Variants in VGLL4 observed in about 807,000 individuals in gnomAD.
The protein encoded by VGLL4 is vestigial like family member 4, also known as transcription cofactor vestigial-like protein 4.
In VGLL4, 7 loss-of-function variants were observed where a neutral mutation model predicts 21.0. That is an observed-to-expected ratio of 0.33 (90% CI 0.19 to 0.63). The LOEUF (loss-of-function observed/expected upper bound fraction) is 0.63. Among genes scored for constraint, VGLL4 ranks in the 20% least tolerant of loss-of-function variants. VGLL4 has a pLI of 0.78. For missense variants in VGLL4, 394 were observed against 425.7 expected, an observed-to-expected ratio of 0.93 and a Z score of 0.66; for synonymous variants, 222 against 173.2, an observed-to-expected ratio of 1.28 and a Z score of -2.21.
At chr3:11,630,866 G>A (rs1165587380) in intron 1 of VGLL4, among the ~76,000 whole-genome samples, 1 of 152,146 alleles carries the variant, frequency 6.6e-6, no homozygotes, top group Admixed American at 6.5e-5. Context: ...TTCGAACACT[G>A]TACAACAAAG....
Position 11,643,487 on chromosome 3 carries a change from T to C in VGLL4, c.32A>G (p.Tyr11Cys), listed in dbSNP as rs1347775472. The C allele has an allele frequency of 1.2e-6, 2 of 1,614,014 alleles. No individual in the cohort carries two copies. Among genetic ancestry groups the C allele is most frequent in the East Asian group, 2.2e-5 (1 of 44,884 alleles). MLFMKMDLLN[Y>C]QYLDKMNNNI... The stretch of plus-strand genomic sequence containing the variant: ...GTTGTTCATCTTGTCCAAGTACTGA[T>C]AGTTCAACAGGTCCATCTTCATAAA... Residue 11 changes from tyrosine (Y) to cysteine (C), a missense_variant, in exon 1 of 5, where the codon TAT becomes TGT. Tyr to Cys is a radical substitution (Grantham distance 194). Transcript: ENST00000430365.
intron 2 of VGLL4, among the ~76,000 whole-genome samples, chr3:11,674,420 G>A (rs1056314004): frequency 6.6e-6 from 1 of 152,180 alleles, no homozygotes; most frequent in Non-Finnish European, 1.5e-5. Flanking sequence ...TGCAGTCACT[G>A]TGCTAAGCAG....
intron 2 of VGLL4, among the ~76,000 whole-genome samples, chr3:11,597,555 AAAAC>A (rs1433084115): frequency 6.6e-6 from 1 of 152,194 alleles, no homozygotes; most frequent in Non-Finnish European, 1.5e-5. Context: ...TCAAAAACAA[AAAAC>A]AAGTGTCAAA....
At chr3:11,656,561 G>A (rs2075961999) in intron 2 of VGLL4, among the ~76,000 whole-genome samples, 1 of 152,174 alleles carries the variant, frequency 6.6e-6, no homozygotes, top group East Asian at 1.9e-4. Flanking sequence ...AAACTCTAGA[G>A]CTGAGATGTC....
In VGLL4 at chr3:11,557,657, TGAAAA is replaced by T. The variant is rs1415925031; in HGVS notation, c.*894_*898del. 4 of 152,782 alleles carry T rather than the reference TGAAAA, an allele frequency of 2.6e-5. No individual in the cohort carries two copies. The highest frequency in any genetic ancestry group is 9.6e-5 in the African/African-American group (4 of 41,454). The allele number at this position is 152,782 out of a possible 1,614,324, so 9.5% of individuals were successfully genotyped here. On this transcript the variant is annotated 3_prime_UTR_variant, in exon 5 of 5. Coordinates refer to ENST00000430365, the MANE Select transcript of VGLL4 (RefSeq NM_001128219.3). Reference sequence around the variant, plus strand: ...GTAACTGACAAAAATAAACTAATTCTGAAAAGAAGATAGTAAGTATTAAGGTTTTT... The same window carrying T: ...GTAACTGACAAAAATAAACTAATTCTGAAGATAGTAAGTATTAAGGTTTTT...
chr3:11,564,572 C>T (rs1467462112), intron 3 of VGLL4, among the ~76,000 whole-genome samples: 1 of 151,036 alleles, frequency 6.6e-6, no homozygotes, highest in African/African-American at 2.4e-5. Context: ...GAGGCAAGGC[C>T]CGGGCAGGTC....
At position 11,569,786 on chromosome 3, in the gene VGLL4, T is replaced by C. The variant is rs116293372; in HGVS notation, c.273-4767A>G. Among the ~76,000 whole-genome samples, 139 of 152,186 alleles carry C rather than the reference T, an allele frequency of 9.1e-4. 1 individual carries two copies. The highest frequency in any genetic ancestry group is 3.3e-3 in the African/African-American group (137 of 41,538). The stretch of plus-strand genomic sequence containing the variant: ...GGTCCCAGCTACTTGGAGGCTGAAG[T>C]GGGAGGATCACCTGGGCCCAGGAGG... On this transcript the variant is annotated intron_variant, in intron 2 of 4. Coordinates refer to ENST00000430365, the MANE Select transcript of VGLL4 (RefSeq NM_001128219.3).
chr3:11,682,606 T>A (rs141778422), intron 2 of VGLL4, among the ~76,000 whole-genome samples: 1 of 152,050 alleles, frequency 6.6e-6, no homozygotes, highest in Non-Finnish European at 1.5e-5. Flanking sequence ...TCTGATGCTA[T>A]TGAAATGCCT....
Position 11,604,633 on chromosome 3 carries a change from T to C in VGLL4, c.83-2611A>G, listed in dbSNP as rs1433393025. On this transcript the variant is annotated intron_variant, in intron 1 of 4. Coordinates refer to ENST00000430365, the MANE Select transcript of VGLL4 (RefSeq NM_001128219.3). ...TGTTCTGGGAGATAAGACACTTGCATTGCAATCTTGACTCCTCCTTTATTT... is the reference window on the plus strand; with the variant it reads ...TGTTCTGGGAGATAAGACACTTGCACTGCAATCTTGACTCCTCCTTTATTT... 7 of 728,332 alleles carry C rather than the reference T, an allele frequency of 9.6e-6. 1 individual carries two copies. Among genetic ancestry groups the C allele is most frequent in the African/African-American group, 2.0e-5 (1 of 50,658 alleles). The allele number at this position is 728,332 out of a possible 1,614,324, so 45.1% of individuals were successfully genotyped here.
At chr3:11,651,753 TAA>T (rs764009114) in intron 2 of VGLL4, among the ~76,000 whole-genome samples, 15 of 144,810 alleles carry the variant, frequency 1.0e-4, no homozygotes, top group African/African-American at 3.5e-4. Context: ...GTAGCTGATT[TAA>T]AAAAAAAAAA....
chr3:11,651,064 G>A (rs1443582365), intron 2 of VGLL4, among the ~76,000 whole-genome samples: 1 of 152,110 alleles, frequency 6.6e-6, no homozygotes, highest in African/African-American at 2.4e-5. Context: ...AAGGGTTTAA[G>A]GGACCAGGCG....
At chr3:11,590,098 G>C (rs571296507) in intron 2 of VGLL4, among the ~76,000 whole-genome samples, 1 of 152,220 alleles carries the variant, frequency 6.6e-6, no homozygotes, top group Non-Finnish European at 1.5e-5. Flanking sequence ...TGGGACCACC[G>C]AACTTTGACC....
chr3:11,612,908 C>A (rs2075090045), intron 1 of VGLL4, among the ~76,000 whole-genome samples: 1 of 152,164 alleles, frequency 6.6e-6, no homozygotes, highest in Non-Finnish European at 1.5e-5. Context: ...ACTTGCAAAT[C>A]TACTTTTGTA....
At chr3:11,564,658 T>A (rs561331913) in intron 3 of VGLL4, 139 bp downstream of exon 3, 4 of 826,702 alleles carry the variant, frequency 4.8e-6, no homozygotes, top group African/African-American at 2.2e-5. Flanking sequence ...AGGCGAAGGG[T>A]GGCATCCCTC....
At chr3:11,662,471 T>C (rs1172775138) in intron 2 of VGLL4, among the ~76,000 whole-genome samples, 1 of 152,236 alleles carries the variant, frequency 6.6e-6, no homozygotes, top group Admixed American at 6.5e-5. Context: ...GGTGGCTTAT[T>C]ATAAAATGGA....
In VGLL4 at chr3:11,558,721, G is replaced by C. The variant is rs780751208; in HGVS notation, c.726C>G (p.Ser242=). 6.2e-7 allele frequency: 1 copy of C among 1,614,162 alleles called. No homozygotes were observed. The highest frequency in any genetic ancestry group is 1.3e-5 in the African/African-American group (1 of 75,054). ...PAPNSVSITG[S]VDDHFAKALG... The stretch of plus-strand genomic sequence containing the variant: ...GAGCTTTGGCAAAGTGGTCGTCCAC[G>C]GAGCCCGTGATGGACACGGAGTTGG... Residue 242 remains serine (S), a synonymous_variant, in exon 5 of 5, where the codon TCC becomes TCG. Coordinates refer to ENST00000430365, the MANE Select transcript of VGLL4 (RefSeq NM_001128219.3).
chr3:11,655,291 C>A (rs1310626965), intron 2 of VGLL4, among the ~76,000 whole-genome samples: 1 of 152,132 alleles, frequency 6.6e-6, no homozygotes, highest in Admixed American at 6.5e-5. Context: ...GGACCACTAC[C>A]CTGGAGATTC....
At chr3:11,582,287 T>C in intron 2 of VGLL4, 1 of 1,605,150 alleles carries the variant, frequency 6.2e-7, no homozygotes, top group South Asian at 1.1e-5. Context: ...GGTACTAACC[T>C]CACTTTAATC....
chr3:11,641,681 A>G (rs1160058038), intron 1 of VGLL4, among the ~76,000 whole-genome samples: 1 of 152,238 alleles, frequency 6.6e-6, no homozygotes, highest in Admixed American at 6.5e-5. Context: ...AGATGTTTAA[A>G]CCAAACAGAC....
Sources: gnomAD v4.1 joint callset for allele counts (sites outside exome capture counted in the v4.1 genomes callset) on GRCh38, gnomAD v4.1.1 for gene constraint, MANE v1.5 for transcripts, NCBI Gene and HGNC (gene_info 2026-07-23, HGNC 2026-07-21) for gene names.